The following SLMAP variants were observed in gnomAD, a reference collection of about 807,000 sequenced individuals.
SLMAP encodes the protein sarcolemma associated protein.
Under a neutral mutation model 128.8 loss-of-function variants are expected in SLMAP, and 44 were observed. The ratio of observed to expected loss-of-function variants is 0.34; its 90% CI spans 0.27 to 0.44. The LOEUF is 0.44. SLMAP is among the 20% of genes least tolerant of loss of function. The probability of loss-of-function intolerance (pLI) is 1.00; values close to 1 mark genes in which losing one functional copy is unlikely to be tolerated. For missense variants in SLMAP, 787 were observed against 985.3 expected (o/e 0.80, Z 2.69); for synonymous variants, 327 against 348.8 (o/e 0.94, Z 0.70).
chr3:57,844,039 C>CA (rs1469845711), intron 4 of SLMAP, among the ~76,000 whole-genome samples: 1 of 151,562 alleles, frequency 6.6e-6, no homozygotes, highest in Non-Finnish European at 1.5e-5. Context: ...CTCAGCCTCC[C>CA]AAAGTGCTGG....
chr3:57,778,703 G>C (rs1576352309), intron 2 of SLMAP, among the ~76,000 whole-genome samples: 1 of 151,374 alleles, frequency 6.6e-6, no homozygotes, highest in Non-Finnish European at 1.5e-5. Context: ...AGCCTCCTGA[G>C]TAGCTAGGAC....
At chr3:57,786,018 A>G (rs113525717) in intron 2 of SLMAP, among the ~76,000 whole-genome samples, 2 of 152,312 alleles carry the variant, frequency 1.3e-5, no homozygotes, top group African/African-American at 4.8e-5. Context: ...CAGGTGTCTG[A>G]ATTTTTGAAA....
intron 2 of SLMAP, among the ~76,000 whole-genome samples, chr3:57,794,018 G>A (rs1245538686): frequency 1.3e-5 from 2 of 152,164 alleles, no homozygotes; most frequent in East Asian, 3.9e-4. Flanking sequence ...CGTGAGATGT[G>A]TTCGAGTTAC....
intron 6 of SLMAP, among the ~76,000 whole-genome samples, chr3:57,856,133 T>A (rs563998804): frequency 6.6e-6 from 1 of 151,718 alleles, no homozygotes; most frequent in Non-Finnish European, 1.5e-5. Context: ...GATCATAAGC[T>A]CAGGAGTTTG....
At chr3:57,907,832 G>A in intron 17 of SLMAP, 52 bp from the exon 18 acceptor site, 1 of 1,562,360 alleles carries the variant, frequency 6.4e-7, no homozygotes, top group Non-Finnish European at 8.7e-7. Flanking sequence ...TTTTATTGTA[G>A]ATTATAGTGT....
chr3:57,812,879 A>G (rs1478910019), intron 2 of SLMAP, among the ~76,000 whole-genome samples: 1 of 151,632 alleles, frequency 6.6e-6, no homozygotes, highest in Admixed American at 6.6e-5. Context: ...TTTTGATGCT[A>G]CTGAAAATGA....
At chr3:57,886,473 T>C (rs1247953238) in intron 14 of SLMAP, among the ~76,000 whole-genome samples, 1 of 151,864 alleles carries the variant, frequency 6.6e-6, no homozygotes, top group Non-Finnish European at 1.5e-5. Flanking sequence ...AAAATGCAAA[T>C]AGAATTTTTG....
intron 2 of SLMAP, among the ~76,000 whole-genome samples, chr3:57,787,400 G>A (rs932968014): frequency 6.6e-6 from 1 of 152,146 alleles, no homozygotes; most frequent in African/African-American, 2.4e-5. Flanking sequence ...AAAATCTGGG[G>A]TAGATTAGTT....
chr3:57,890,335 T>C, intron 15 of SLMAP: 1 of 402,182 alleles, frequency 2.5e-6, no homozygotes, highest in Non-Finnish European at 4.4e-6. Flanking sequence ...TTTTGAATGT[T>C]AGTACTTGAT....
intron 18 of SLMAP, 124 bp from the exon 19 acceptor site, chr3:57,908,952 C>T (rs1430421484): frequency 1.5e-6 from 1 of 657,716 alleles, no homozygotes; most frequent in East Asian, 2.7e-5. Flanking sequence ...TACTTACTGC[C>T]TAACTTTTGT....
chr3:57,775,622 G>A (rs1344274134), intron 2 of SLMAP, among the ~76,000 whole-genome samples: 1 of 151,946 alleles, frequency 6.6e-6, no homozygotes, highest in African/African-American at 2.4e-5. Flanking sequence ...CTGGGAGTTG[G>A]GGGGCTGCAG....
chr3:57,857,352 C>T (rs187711351), intron 6 of SLMAP, among the ~76,000 whole-genome samples: 36 of 152,206 alleles, frequency 2.4e-4, no homozygotes, highest in African/African-American at 8.4e-4. Flanking sequence ...CCTATATCTA[C>T]TATGTTTTTT....
chr3:57,868,812 AT>A (rs1262185563), intron 13 of SLMAP, among the ~76,000 whole-genome samples: 2,429 of 138,712 alleles, frequency 0.018, 77 homozygotes, highest in African/African-American at 0.06. Context: ...ATATATATAT[AT>A]ATATATATAA....
intron 4 of SLMAP, 144 bp downstream of exon 4, chr3:57,841,515 G>T: frequency 2.4e-6 from 1 of 416,604 alleles, no homozygotes; most frequent in Non-Finnish European, 4.3e-6. Context: ...GTACTTTTTG[G>T]AATATAATAC....
chr3:57,768,374 C>G (rs2080149546), intron 2 of SLMAP, among the ~76,000 whole-genome samples: 1 of 152,134 alleles, frequency 6.6e-6, no homozygotes, highest in African/African-American at 2.4e-5. Flanking sequence ...TATAGACTTT[C>G]AAGCTTTTCT....
chr3:57,885,771 C>CTTTTTTGTTTTTTTTTTTT (rs2095866873), intron 14 of SLMAP, among the ~76,000 whole-genome samples: 1 of 53,574 alleles, frequency 1.9e-5, no homozygotes, highest in Non-Finnish European at 3.3e-5. Flanking sequence ...GTTTTTGGTT[C>CTTTTTTGTTTTTTTTTTTT]TTTTTTTTTT....
chr3:57,854,816 CACATGTAT>C (rs912672337), intron 6 of SLMAP, among the ~76,000 whole-genome samples: 14 of 152,158 alleles, frequency 9.2e-5, no homozygotes, highest in African/African-American at 3.4e-4. Context: ...TGTATATATA[CACATGTAT>C]ACATGTATAT....
chr3:57,877,393 T>C (rs552008097), intron 14 of SLMAP, among the ~76,000 whole-genome samples: 16 of 152,350 alleles, frequency 1.1e-4, no homozygotes, highest in African/African-American at 3.8e-4. Flanking sequence ...TCTGATTACG[T>C]ATTCTACTCA....
chr3:57,905,966 C>T (rs1177297904), intron 17 of SLMAP, among the ~76,000 whole-genome samples: 1 of 149,562 alleles, frequency 6.7e-6, no homozygotes, highest in African/African-American at 2.5e-5. Flanking sequence ...AAAATACCTA[C>T]TCAAGGAATT....
Sources: gnomAD v4.1 joint callset for allele counts (sites outside exome capture counted in the v4.1 genomes callset) on GRCh38, gnomAD v4.1.1 for gene constraint, MANE v1.5 for transcripts, NCBI Gene and HGNC (gene_info 2026-07-23, HGNC 2026-07-21) for gene names.